The following TAFA4 variants were observed in gnomAD, a reference collection of about 807,000 sequenced individuals.
TAFA4 encodes TAFA chemokine like family member 4.
In TAFA4, 20 loss-of-function variants were observed where a neutral mutation model predicts 21.1. The observed-to-expected ratio is 0.95, with a 90% CI of 0.67 to 1.38. The LOEUF (loss-of-function observed/expected upper bound fraction) is 1.38, where lower values mean the gene tolerates loss of function less well. TAFA4 is among the 40% of genes most tolerant of loss of function. TAFA4 has a pLI of 0.00. For missense variants in TAFA4, 211 were observed against 180.9 expected, an observed-to-expected ratio of 1.17 and a Z score of -0.95; for synonymous variants, 71 against 67.4, an observed-to-expected ratio of 1.05 and a Z score of -0.26.
At chr3:68,828,085 G>T (rs1338033412) in intron 3 of TAFA4, among the ~76,000 whole-genome samples, 1 of 152,094 alleles carries the variant, frequency 6.6e-6, no homozygotes, top group Non-Finnish European at 1.5e-5. Context: ...GATAGTTTCA[G>T]CTTTCTACAT....
chr3:68,879,666 T>C (rs2089593984), intron 3 of TAFA4, among the ~76,000 whole-genome samples: 1 of 152,138 alleles, frequency 6.6e-6, no homozygotes, highest in South Asian at 2.1e-4. Context: ...GAACTGTCAC[T>C]TGAGGAGGGA....
chr3:68,817,651 T>G (rs1404793605), intron 3 of TAFA4, among the ~76,000 whole-genome samples: 1 of 152,220 alleles, frequency 6.6e-6, no homozygotes, highest in Non-Finnish European at 1.5e-5. Context: ...GCAGAATGGT[T>G]GTTGTATTAG....
At chr3:68,890,538 A>G (rs2089719625) in intron 1 of TAFA4, among the ~76,000 whole-genome samples, 1 of 152,232 alleles carries the variant, frequency 6.6e-6, no homozygotes. Flanking sequence ...AGCGCCTGCT[A>G]GGAACCATGC....
chr3:68,822,353 A>G (rs568404035), intron 3 of TAFA4, among the ~76,000 whole-genome samples: 1 of 152,334 alleles, frequency 6.6e-6, no homozygotes, highest in Admixed American at 6.5e-5. Flanking sequence ...CTGCTGAGTG[A>G]CAATGGCCAG....
At chr3:68,733,304 T>C (rs1047992189) in intron 5 of TAFA4, 151 bp from the exon 6 acceptor site, 1 of 1,023,822 alleles carries the variant, frequency 9.8e-7, no homozygotes, top group Non-Finnish European at 1.4e-6. Context: ...ACAGTTCAAA[T>C]TCTGCTTTGC....
chr3:68,873,337 T>TACACACAC (rs34998311), intron 3 of TAFA4, among the ~76,000 whole-genome samples: 4,110 of 133,432 alleles, frequency 0.031, 109 homozygotes, highest in South Asian at 0.077. Context: ...CACGCAGACA[T>TACACACAC]ACACACACAC....
At chr3:68,791,502 G>A (rs1703360341) in intron 3 of TAFA4, among the ~76,000 whole-genome samples, 1 of 152,178 alleles carries the variant, frequency 6.6e-6, no homozygotes, top group Non-Finnish European at 1.5e-5. Flanking sequence ...CCAGAACTGT[G>A]AGAGAATAAA....
At chr3:68,819,930 C>T (rs1050635248) in intron 3 of TAFA4, among the ~76,000 whole-genome samples, 10 of 152,102 alleles carry the variant, frequency 6.6e-5, no homozygotes, top group African/African-American at 2.2e-4. Context: ...ATCCCACTAC[C>T]AGATATGCAT....
chr3:68,855,781 GA>G (rs1001276439), intron 3 of TAFA4, among the ~76,000 whole-genome samples: 4 of 151,974 alleles, frequency 2.6e-5, no homozygotes, highest in African/African-American at 9.7e-5. Flanking sequence ...CCTGCAAGCA[GA>G]AACATGATTC....
chr3:68,870,348 T>C (rs183474747), intron 3 of TAFA4, among the ~76,000 whole-genome samples: 9 of 151,944 alleles, frequency 5.9e-5, no homozygotes, highest in Admixed American at 5.2e-4. Context: ...GAAAAAACAA[T>C]GCAAAAATTC....
At chr3:68,855,676 A>G (rs550903723) in intron 3 of TAFA4, among the ~76,000 whole-genome samples, 54 of 152,252 alleles carry the variant, frequency 3.5e-4, no homozygotes, top group African/African-American at 1.3e-3. Flanking sequence ...ACACTTCTAT[A>G]TATGTATATA....
chr3:68,859,046 A>G (rs1488667421), intron 3 of TAFA4, among the ~76,000 whole-genome samples: 1 of 152,004 alleles, frequency 6.6e-6, no homozygotes, highest in Admixed American at 6.6e-5. Context: ...TGCTACAAAA[A>G]AAAAAGAAAT....
chr3:68,752,072 C>A (rs6774607), intron 4 of TAFA4, among the ~76,000 whole-genome samples: 6,657 of 152,186 alleles, frequency 0.044, 374 homozygotes, highest in East Asian at 0.25. Flanking sequence ...GTTCACTGTG[C>A]AATATGATCT....
intron 3 of TAFA4, among the ~76,000 whole-genome samples, chr3:68,825,003 T>C (rs561014715): frequency 6.6e-6 from 1 of 152,226 alleles, no homozygotes; most frequent in East Asian, 1.9e-4. Context: ...CTGGGGTACA[T>C]GTACAGGATA....
At chr3:68,869,127 T>C (rs1044060639) in intron 3 of TAFA4, among the ~76,000 whole-genome samples, 2 of 151,912 alleles carry the variant, frequency 1.3e-5, no homozygotes, top group African/African-American at 4.8e-5. Context: ...AATAAATTCC[T>C]GGACACATAC....
At chr3:68,821,173 A>G (rs952075842) in intron 3 of TAFA4, among the ~76,000 whole-genome samples, 3 of 152,330 alleles carry the variant, frequency 2.0e-5, no homozygotes, top group South Asian at 4.1e-4. Flanking sequence ...CCAAAAATCA[A>G]TAACTTTTGA....
chr3:68,799,588 C>A (rs1164054203), intron 3 of TAFA4, among the ~76,000 whole-genome samples: 6 of 152,232 alleles, frequency 3.9e-5, no homozygotes, highest in Non-Finnish European at 5.9e-5. Flanking sequence ...TGGTTAGCCA[C>A]GTGGTCCCAA....
chr3:68,740,029 G>C (rs1347183758), intron 4 of TAFA4, among the ~76,000 whole-genome samples: 1 of 152,184 alleles, frequency 6.6e-6, no homozygotes, highest in African/African-American at 2.4e-5. Context: ...GTAAAATATA[G>C]CTGGTGAGAT....
chr3:68,733,057 C>T lies in TAFA4; in HGVS notation c.*85G>A. 6 of 1,578,460 alleles carry T rather than the reference C, an allele frequency of 3.8e-6. No individual in the cohort carries two copies. The highest frequency in any genetic ancestry group is 5.2e-6 in the Non-Finnish European group (6 of 1,156,108). ...AGTTGCTGAAATCCTAGACAATTTTCTGCAAAGGGGCCATGATGGGAATCC... is the reference window on the plus strand; with the variant it reads ...AGTTGCTGAAATCCTAGACAATTTTTTGCAAAGGGGCCATGATGGGAATCC... On this transcript the variant is annotated 3_prime_UTR_variant, in exon 6 of 6. Coordinates refer to ENST00000295569, the MANE Select transcript of TAFA4 (RefSeq NM_182522.5).
Sources: gnomAD v4.1 joint callset for allele counts (sites outside exome capture counted in the v4.1 genomes callset) on GRCh38, gnomAD v4.1.1 for gene constraint, MANE v1.5 for transcripts, NCBI Gene and HGNC (gene_info 2026-07-23, HGNC 2026-07-21) for gene names.